Variants in ARMC3 observed in about 807,000 individuals in gnomAD.
The protein encoded by ARMC3 is armadillo repeat-containing protein 3.
A neutral mutation model predicts 90.3 loss-of-function variants in ARMC3; 74 were observed. The ratio of observed to expected loss-of-function variants is 0.82; its 90% confidence interval spans 0.68 to 0.99. The LOEUF (loss-of-function observed/expected upper bound fraction) is 0.99. Among genes scored for constraint, ARMC3 ranks in the 50% least tolerant of loss-of-function variants. The pLI is 0.00. For synonymous variants in ARMC3, 334 were observed against 361.8 expected (o/e 0.92, Z 0.87); for missense variants, 958 against 1,042.8 (o/e 0.92, Z 1.12).
At position 23,037,397 on chromosome 10, in the gene ARMC3, T is replaced by A. The variant is rs1339279336; in HGVS notation, c.2537T>A (p.Met846Lys). The change falls in exon 19 of 19, where the codon ATG (methionine) becomes AAG (lysine). Residue 846 changes from methionine (M) to lysine (K), a missense_variant. Transcript: ENST00000298032. Reference protein sequence around the residue: ...GVIGGLPAPEMYVIDLMFHPG... With the variant: ...GVIGGLPAPEKYVIDLMFHPG... ...ATTGGGGGCCTCCCCGCTCCTGAGATGTACGTGATTGACCTCATGTTCCAT... is the reference window on the plus strand; with the variant it reads ...ATTGGGGGCCTCCCCGCTCCTGAGAAGTACGTGATTGACCTCATGTTCCAT... 6.2e-7 allele frequency: 1 copy of A among 1,613,978 alleles called. No homozygotes were observed. Among genetic ancestry groups the A allele is most frequent in the African/African-American group, 1.3e-5 (1 of 74,918 alleles).
rs544035938 is a variant in ARMC3 at position 22,931,134 on chromosome 10, G to A, written c.-1-862G>A. Among the ~76,000 whole-genome samples the A allele has an allele frequency of 3.5e-4, 54 of 152,142 alleles. 1 individual carries two copies. Among genetic ancestry groups the A allele is most frequent in the South Asian group, 2.1e-3 (10 of 4,814 alleles). On this transcript the variant is annotated intron_variant, in intron 1 of 18. Transcript: ENST00000298032. ...AGTAGAGACAGGATTTCACTGTGTTGGCCAGGATGGTCTTGAACTCCTGAC... is the reference window on the plus strand; with the variant it reads ...AGTAGAGACAGGATTTCACTGTGTTAGCCAGGATGGTCTTGAACTCCTGAC...
chr10:22,972,707 T>A lies in ARMC3; in HGVS notation c.916+4218T>A, dbSNP rs557603606. On this transcript the variant is annotated intron_variant, in intron 8 of 18. Coordinates refer to ENST00000298032, the MANE Select transcript of ARMC3 (RefSeq NM_173081.5). The stretch of plus-strand genomic sequence containing the variant: ...TCTCTCCACGCATGTCCCCAGGCCA[T>A]CCTGGGATCATTTTCTTACCTCTTC... 1.6e-4 allele frequency among the ~76,000 whole-genome samples: 24 copies of A among 152,314 alleles called. No homozygotes were observed. The South Asian group carries it at 5.0e-3, about 32-fold the overall frequency.
At chr10:23,033,130 C>A in intron 18 of ARMC3, 107 bp downstream of exon 18, 1 of 1,078,726 alleles carries the variant, frequency 9.3e-7, no homozygotes, top group Non-Finnish European at 1.3e-6. Flanking sequence ...TTAATTCTAC[C>A]ATTTAGATTT....
At chr10:22,954,916 A>G (rs1834868764) in intron 3 of ARMC3, among the ~76,000 whole-genome samples, 1 of 152,130 alleles carries the variant, frequency 6.6e-6, no homozygotes, top group Non-Finnish European at 1.5e-5. Flanking sequence ...AAGCTGGAGA[A>G]TAAGGAGAGC....
At position 23,002,058 on chromosome 10, in the gene ARMC3, G is replaced by C; in HGVS notation, c.1562+3G>C. ...GCCAATGAATTATGCAGGCTCGGGT[G>C]AGTGGATGCCATCTCAAGTTTCTGG... On this transcript the variant is annotated splice_donor_region_variant and intron_variant, in intron 12 of 18. Coordinates refer to ENST00000298032, the MANE Select transcript of ARMC3 (RefSeq NM_173081.5). 1 of 1,612,966 alleles carries C rather than the reference G, an allele frequency of 6.2e-7. No homozygotes were observed. Among genetic ancestry groups the C allele is most frequent in the African/African-American group, 1.3e-5 (1 of 74,970 alleles).
At chr10:22,993,498 A>G (rs1325616255) in intron 10 of ARMC3, among the ~76,000 whole-genome samples, 4 of 152,184 alleles carry the variant, frequency 2.6e-5, no homozygotes, top group Non-Finnish European at 4.4e-5. Flanking sequence ...CCTTCTTGCA[A>G]ACTTAAAGCT....
chr10:23,020,978 C>G (rs1031649697), intron 16 of ARMC3, among the ~76,000 whole-genome samples: 4 of 152,076 alleles, frequency 2.6e-5, no homozygotes, highest in Non-Finnish European at 5.9e-5. Flanking sequence ...CTGGTAGCCC[C>G]CAGTGCCCTA....
At chr10:23,011,506 G>A (rs778913231) in intron 16 of ARMC3, among the ~76,000 whole-genome samples, 16 of 152,062 alleles carry the variant, frequency 1.1e-4, no homozygotes, top group African/African-American at 1.9e-4. Context: ...AAAAAGTTTC[G>A]AGGAGCCAAA....
intron 7 of ARMC3, among the ~76,000 whole-genome samples, chr10:22,962,703 T>C (rs1043632817): frequency 5.3e-5 from 8 of 152,218 alleles, no homozygotes; most frequent in Admixed American, 2.0e-4. Flanking sequence ...GAAGTACCTC[T>C]TAGAAATTCC....
chr10:22,973,197 G>A (rs1373092074), intron 8 of ARMC3, among the ~76,000 whole-genome samples: 1 of 151,762 alleles, frequency 6.6e-6, no homozygotes, highest in Non-Finnish European at 1.5e-5. Flanking sequence ...TACTTGGGAG[G>A]CTGAGGAAGG....
chr10:23,016,899 A>G (rs1455198888), intron 16 of ARMC3, among the ~76,000 whole-genome samples: 6 of 152,216 alleles, frequency 3.9e-5, no homozygotes, highest in Admixed American at 3.9e-4. Flanking sequence ...CACTCTATTC[A>G]GTGACGAAGT....
At chr10:22,958,943 G>A in intron 4 of ARMC3, 127 bp from the exon 5 acceptor site, 8 of 714,202 alleles carry the variant, frequency 1.1e-5, no homozygotes, top group South Asian at 1.1e-4. Context: ...GGCTGGTCTC[G>A]AACTCCTGAC....
intron 4 of ARMC3, among the ~76,000 whole-genome samples, chr10:22,956,793 A>C (rs1048877532): frequency 2.0e-5 from 3 of 148,272 alleles, no homozygotes; most frequent in Non-Finnish European, 4.5e-5. Flanking sequence ...TATTAGTATG[A>C]TATATTAATA....
chr10:23,022,546 G>GC (rs1310630318), intron 16 of ARMC3, among the ~76,000 whole-genome samples: 3 of 152,070 alleles, frequency 2.0e-5, no homozygotes, highest in Non-Finnish European at 4.4e-5. Flanking sequence ...CTAACAGAAG[G>GC]CCCCCCAGCC....
chr10:22,989,583 T>A (rs1303661236), intron 10 of ARMC3, among the ~76,000 whole-genome samples: 1 of 152,178 alleles, frequency 6.6e-6, no homozygotes, highest in African/African-American at 2.4e-5. Context: ...GATAGCTAAT[T>A]TCATAAGTTT....
intron 2 of ARMC3, among the ~76,000 whole-genome samples, chr10:22,940,059 C>T (rs575298832): frequency 2.0e-4 from 31 of 152,122 alleles, no homozygotes; most frequent in Non-Finnish European, 3.7e-4. Context: ...TAAAGGTACA[C>T]ATAAAAGTAA....
chr10:22,998,029 T>G, intron 10 of ARMC3, 119 bp from the exon 11 acceptor site: 1 of 1,250,158 alleles, frequency 8.0e-7, no homozygotes, highest in South Asian at 1.6e-5. Context: ...GCATGGCAAA[T>G]TAATTTATTT....
chr10:22,968,732 G>A (rs1156263188), intron 8 of ARMC3, among the ~76,000 whole-genome samples: 1 of 152,064 alleles, frequency 6.6e-6, no homozygotes, highest in African/African-American at 2.4e-5. Flanking sequence ...GAACTCCTGG[G>A]CTCAAGCGAT....
chr10:23,030,846 T>C (rs758842120), intron 17 of ARMC3, 50 bp downstream of exon 17: 2 of 1,578,994 alleles, frequency 1.3e-6, no homozygotes, highest in South Asian at 2.3e-5. Flanking sequence ...AAAATTTTAG[T>C]GTCATATACA....
Sources: gnomAD v4.1 joint callset for allele counts (sites outside exome capture counted in the v4.1 genomes callset) on GRCh38, gnomAD v4.1.1 for gene constraint, MANE v1.5 for transcripts, NCBI Gene and HGNC (gene_info 2026-07-23, HGNC 2026-07-21) for gene names.